CTNND2: variants seen among roughly 807,000 people sequenced by gnomAD.
CTNND2 encodes catenin delta-2.
CTNND2 carries 22 observed loss-of-function variants against 144.4 expected under a neutral mutation model. That is an observed-to-expected ratio of 0.15 (90% confidence interval 0.11 to 0.22). The LOEUF (loss-of-function observed/expected upper bound fraction) is 0.22. Ranked by LOEUF, CTNND2 falls within the 10% of genes least tolerant of loss-of-function variation. CTNND2 has a pLI of 1.00. For missense variants in CTNND2, 1,353 were observed against 1,618.8 expected (o/e 0.84, Z 2.82); for synonymous variants, 751 against 695.6 (o/e 1.08, Z -1.25).
At chr5:11,279,061 G>A (rs1746848654) in intron 9 of CTNND2, among the ~76,000 whole-genome samples, 1 of 152,140 alleles carries the variant, frequency 6.6e-6, no homozygotes, top group African/African-American at 2.4e-5. Flanking sequence ...ATGCTTCTGG[G>A]ACTGAAATGG....
chr5:11,431,601 G>A (rs1352089284), intron 3 of CTNND2, among the ~76,000 whole-genome samples: 1 of 152,166 alleles, frequency 6.6e-6, no homozygotes, highest in Non-Finnish European at 1.5e-5. Context: ...CTACTCTGCT[G>A]ACAACCATGC....
intron 16 of CTNND2, among the ~76,000 whole-genome samples, chr5:11,048,913 G>A (rs918167496): frequency 4.6e-5 from 7 of 152,282 alleles, no homozygotes; most frequent in Admixed American, 3.9e-4. Flanking sequence ...GCTGTGTTGT[G>A]AGGCTGTCCC....
chr5:11,815,800 C>A (rs1792598789), intron 1 of CTNND2, among the ~76,000 whole-genome samples: 1 of 152,154 alleles, frequency 6.6e-6, no homozygotes, highest in Non-Finnish European at 1.5e-5. Context: ...TCAGCCTCCC[C>A]CAAGACTTGC....
intron 16 of CTNND2, among the ~76,000 whole-genome samples, chr5:11,032,183 C>T (rs913941960): frequency 2.6e-5 from 4 of 152,164 alleles, no homozygotes; most frequent in African/African-American, 4.8e-5. Context: ...AATCCTCTCC[C>T]GTCTCTGAAT....
At chr5:11,192,663 T>C (rs1736414359) in intron 11 of CTNND2, among the ~76,000 whole-genome samples, 3 of 152,070 alleles carry the variant, frequency 2.0e-5, no homozygotes, top group African/African-American at 7.2e-5. Flanking sequence ...CCAAAGAATG[T>C]GGGCAGCTTT....
chr5:11,299,695 G>A (rs960625671), intron 9 of CTNND2, among the ~76,000 whole-genome samples: 3 of 152,208 alleles, frequency 2.0e-5, no homozygotes, highest in South Asian at 2.1e-4. Context: ...CTGCCAAGGT[G>A]TGTCTGATTT....
At chr5:11,147,795 T>A (rs1372520928) in intron 12 of CTNND2, among the ~76,000 whole-genome samples, 1 of 152,186 alleles carries the variant, frequency 6.6e-6, no homozygotes, top group Non-Finnish European at 1.5e-5. Context: ...GAAAAGCAGT[T>A]GGCGGTTTTC....
intron 3 of CTNND2, among the ~76,000 whole-genome samples, chr5:11,555,435 G>C (rs1030785970): frequency 2.6e-5 from 4 of 152,024 alleles, no homozygotes; most frequent in African/African-American, 9.7e-5. Flanking sequence ...GAGCACTAGT[G>C]ACTACAAAAA....
At chr5:11,845,210 T>C (rs1794677284) in intron 1 of CTNND2, among the ~76,000 whole-genome samples, 1 of 152,212 alleles carries the variant, frequency 6.6e-6, no homozygotes, top group Non-Finnish European at 1.5e-5. Context: ...GTCAGCTTTA[T>C]AAAATCAGGG....
intron 5 of CTNND2, among the ~76,000 whole-genome samples, chr5:11,409,234 C>A (rs181598313): frequency 1.2e-3 from 182 of 152,072 alleles, no homozygotes; most frequent in Non-Finnish European, 1.8e-3. Context: ...ATTTTGCTTA[C>A]AATTTTATTA....
intron 3 of CTNND2, among the ~76,000 whole-genome samples, chr5:11,470,980 A>ATATATATATATATATATATTTTTT (rs1219093645): frequency 1.1e-5 from 1 of 91,582 alleles, no homozygotes; most frequent in African/African-American, 5.7e-5. Flanking sequence ...ATATATATAT[A>ATATATATATATATATATATTTTTT]TTTTTTTTTT....
At chr5:11,402,369 A>G (rs561199962) in intron 5 of CTNND2, among the ~76,000 whole-genome samples, 3 of 152,362 alleles carry the variant, frequency 2.0e-5, no homozygotes. Flanking sequence ...GGACCATTAC[A>G]AAATCAATGA....
intron 6 of CTNND2, among the ~76,000 whole-genome samples, chr5:11,393,161 G>C (rs766697975): frequency 1.3e-5 from 2 of 152,198 alleles, no homozygotes; most frequent in Non-Finnish European, 2.9e-5. Flanking sequence ...ACATTAAATA[G>C]ATAAGCCAGA....
intron 3 of CTNND2, among the ~76,000 whole-genome samples, chr5:11,534,176 C>T (rs1581431205): frequency 1.3e-5 from 2 of 152,142 alleles, no homozygotes; most frequent in Admixed American, 1.3e-4. Context: ...GGTAGAAACA[C>T]CCTGCAGAAA....
chr5:11,117,456 A>G lies in CTNND2; in HGVS notation c.2271T>C (p.Asp757=). The G allele has an allele frequency of 1.2e-6, 2 of 1,613,270 alleles. No homozygotes were observed. Among genetic ancestry groups the G allele is most frequent in the South Asian group, 1.1e-5 (1 of 91,048 alleles). Reference sequence around the variant, plus strand: ...CTATGCCAGCACAACCAACCTTGCTATCGATCTCACTGCTCCCCAGCGCAG... The same window carrying G: ...CTATGCCAGCACAACCAACCTTGCTGTCGATCTCACTGCTCCCCAGCGCAG... The part of the protein sequence containing the change: ...IQSALGSSEI[D]SKTVENCVCI... The change falls in exon 13 of 22, where the codon GAT becomes GAC. Residue 757 remains aspartate, a synonymous_variant. Coordinates refer to ENST00000304623, the MANE Select transcript of CTNND2 (RefSeq NM_001332.4).
At chr5:11,181,875 C>T (rs13175521) in intron 11 of CTNND2, among the ~76,000 whole-genome samples, 172 of 108,728 alleles carry the variant, frequency 1.6e-3, no homozygotes, top group Non-Finnish European at 2.1e-3. Context: ...TTATGTGTGG[C>T]GTGTGTGCAT....
intron 1 of CTNND2, among the ~76,000 whole-genome samples, chr5:11,757,040 C>T (rs1680291905): frequency 6.6e-6 from 1 of 151,404 alleles, no homozygotes; most frequent in Non-Finnish European, 1.5e-5. Flanking sequence ...CAACTTAAAA[C>T]AATAAAAACA....
intron 9 of CTNND2, among the ~76,000 whole-genome samples, chr5:11,262,340 C>A (rs1744946959): frequency 6.6e-6 from 1 of 152,194 alleles, no homozygotes; most frequent in East Asian, 1.9e-4. Context: ...CTGCTGTCTC[C>A]TTGTTCCTAC....
chr5:11,019,196 T>C (rs920103064), intron 17 of CTNND2, among the ~76,000 whole-genome samples: 1 of 152,072 alleles, frequency 6.6e-6, no homozygotes, highest in Non-Finnish European at 1.5e-5. Flanking sequence ...AACTACAATA[T>C]CTCTAAGGTA....
Sources: gnomAD v4.1 joint callset for allele counts (sites outside exome capture counted in the v4.1 genomes callset) on GRCh38, gnomAD v4.1.1 for gene constraint, MANE v1.5 for transcripts, NCBI Gene and HGNC (gene_info 2026-07-23, HGNC 2026-07-21) for gene names.